ZFAND3: variants seen among roughly 807,000 people sequenced by gnomAD.
The protein encoded by ZFAND3 is AN1-type zinc finger protein 3.
ZFAND3 carries 10 observed loss-of-function variants against 29.6 expected under a neutral mutation model. The observed-to-expected ratio is 0.34, with a 90% CI of 0.21 to 0.57. ZFAND3 has a LOEUF of 0.57. Ranked by LOEUF, ZFAND3 falls within the 20% of genes least tolerant of loss-of-function variation. The pLI, the probability that ZFAND3 is intolerant of heterozygous loss-of-function variation, is 0.86. For missense variants in ZFAND3, 230 were observed against 304.5 expected, an observed-to-expected ratio of 0.76 and a Z score of 1.82; for synonymous variants, 128 against 112.6, an observed-to-expected ratio of 1.14 and a Z score of -0.87.
chr6:38,075,432 A>G (rs868223366), intron 3 of ZFAND3, among the ~76,000 whole-genome samples: 15 of 152,312 alleles, frequency 9.8e-5, no homozygotes, highest in Admixed American at 3.3e-4. Context: ...AGAGGAGTAG[A>G]ATTAGAAGTG....
intron 5 of ZFAND3, among the ~76,000 whole-genome samples, chr6:38,127,442 C>T (rs956049148): frequency 2.0e-5 from 3 of 152,158 alleles, no homozygotes; most frequent in African/African-American, 7.2e-5. Flanking sequence ...AGTCATATGT[C>T]ACGCGTGTGT....
At chr6:38,109,851 A>G (rs1765280516) in intron 4 of ZFAND3, among the ~76,000 whole-genome samples, 1 of 152,110 alleles carries the variant, frequency 6.6e-6, no homozygotes, top group African/African-American at 2.4e-5. Flanking sequence ...CGGAGGACCA[A>G]AATCTGATTG....
At chr6:37,900,129 A>C (rs989990750) in intron 1 of ZFAND3, among the ~76,000 whole-genome samples, 1 of 152,220 alleles carries the variant, frequency 6.6e-6, no homozygotes, top group East Asian at 1.9e-4. Context: ...GGTTATTACC[A>C]ATCTTGTTTT....
intron 1 of ZFAND3, among the ~76,000 whole-genome samples, chr6:37,868,924 T>G (rs1442065129): frequency 6.6e-6 from 1 of 152,226 alleles, no homozygotes; most frequent in African/African-American, 2.4e-5. Flanking sequence ...CTTAAATGTT[T>G]GAGAGAATTT....
intron 4 of ZFAND3, among the ~76,000 whole-genome samples, chr6:38,089,098 T>G (rs1764814211): frequency 6.6e-6 from 1 of 152,004 alleles, no homozygotes; most frequent in South Asian, 2.1e-4. Flanking sequence ...AGAGAACAGT[T>G]TTTCCCTTTT....
intron 2 of ZFAND3, among the ~76,000 whole-genome samples, chr6:38,055,210 T>G (rs962946690): frequency 1.3e-5 from 2 of 152,186 alleles, no homozygotes; most frequent in Non-Finnish European, 2.9e-5. Context: ...ATTTGACTAC[T>G]TGAAACATGA....
chr6:38,042,338 G>C (rs551010791), intron 2 of ZFAND3, among the ~76,000 whole-genome samples: 1 of 137,576 alleles, frequency 7.3e-6, no homozygotes, highest in Non-Finnish European at 1.5e-5. Context: ...TTTTGAGATG[G>C]AGTTTCGCTC....
chr6:38,146,481 T>G (rs994693747), intron 5 of ZFAND3, among the ~76,000 whole-genome samples: 1 of 152,198 alleles, frequency 6.6e-6, no homozygotes, highest in African/African-American at 2.4e-5. Context: ...TGCTCTTCAG[T>G]GCCAACAAGC....
chr6:38,064,778 C>T (rs752417480), intron 3 of ZFAND3, among the ~76,000 whole-genome samples: 23 of 151,310 alleles, frequency 1.5e-4, no homozygotes, highest in Middle Eastern at 3.4e-3. Flanking sequence ...TGCTTTGAAC[C>T]ATTGTATGTT....
intron 3 of ZFAND3, among the ~76,000 whole-genome samples, chr6:38,081,578 A>G (rs1241747508): frequency 6.6e-6 from 1 of 152,108 alleles, no homozygotes; most frequent in Non-Finnish European, 1.5e-5. Context: ...TAAATGTGTA[A>G]CATTTGCCTA....
chr6:37,910,730 C>T (rs1276129723), intron 1 of ZFAND3, among the ~76,000 whole-genome samples: 1 of 152,158 alleles, frequency 6.6e-6, no homozygotes. Flanking sequence ...CCCCAACCCC[C>T]CATTCTACTC....
intron 5 of ZFAND3, among the ~76,000 whole-genome samples, chr6:38,119,208 A>G (rs1294053805): frequency 1.3e-5 from 2 of 152,140 alleles, no homozygotes; most frequent in African/African-American, 2.4e-5. Flanking sequence ...GTTTTTGACA[A>G]AGAGCTCTTG....
At chr6:38,036,497 C>T (rs550949377) in intron 2 of ZFAND3, among the ~76,000 whole-genome samples, 1 of 152,138 alleles carries the variant, frequency 6.6e-6, no homozygotes, top group Non-Finnish European at 1.5e-5. Flanking sequence ...AGTGTGACCA[C>T]CTACTGGGGA....
At chr6:38,090,291 G>A (rs1488824754) in intron 4 of ZFAND3, among the ~76,000 whole-genome samples, 4 of 152,180 alleles carry the variant, frequency 2.6e-5, no homozygotes, top group Non-Finnish European at 5.9e-5. Context: ...ACCTACTTAT[G>A]TAATATGCAA....
chr6:38,044,823 T>C (rs975004851), intron 2 of ZFAND3, among the ~76,000 whole-genome samples: 1 of 152,148 alleles, frequency 6.6e-6, no homozygotes, highest in Non-Finnish European at 1.5e-5. Context: ...TGTTTCTTTT[T>C]TGAGCCAGTC....
chr6:37,880,665 G>C (rs1764875660), intron 1 of ZFAND3, among the ~76,000 whole-genome samples: 1 of 152,018 alleles, frequency 6.6e-6, no homozygotes, highest in African/African-American at 2.4e-5. Context: ...TTTCATGAAG[G>C]ATATATTTGA....
At chr6:38,105,895 A>G (rs1351682787) in intron 4 of ZFAND3, among the ~76,000 whole-genome samples, 2 of 152,224 alleles carry the variant, frequency 1.3e-5, no homozygotes, top group African/African-American at 4.8e-5. Context: ...TAAATAAGGC[A>G]AATAAATATC....
chr6:37,964,848 A>T (rs1191873522), intron 2 of ZFAND3, among the ~76,000 whole-genome samples: 1 of 152,202 alleles, frequency 6.6e-6, no homozygotes, highest in Non-Finnish European at 1.5e-5. Flanking sequence ...CAAGTTGTAC[A>T]TCCTCTCTGA....
At chr6:37,998,137 C>G (rs1762883299) in intron 2 of ZFAND3, among the ~76,000 whole-genome samples, 2 of 152,134 alleles carry the variant, frequency 1.3e-5, no homozygotes, top group African/African-American at 4.8e-5. Flanking sequence ...AAGAAATAGG[C>G]TGTCAAACCA....
Sources: allele counts gnomAD v4.1 joint callset (sites outside exome capture counted in the v4.1 genomes callset), GRCh38; gene constraint gnomAD v4.1.1; transcripts MANE v1.5; gene names NCBI Gene and HGNC (gene_info 2026-07-23, HGNC 2026-07-21).